RNF115: variants seen among roughly 807,000 people sequenced by gnomAD.
RNF115 encodes E3 ubiquitin-protein ligase RNF115.
RNF115 carries 31 observed loss-of-function variants against 39.2 expected under a neutral mutation model. That is an observed-to-expected ratio of 0.79 (90% CI 0.59 to 1.07). The LOEUF (loss-of-function observed/expected upper bound fraction) is 1.07, where lower values mean the gene tolerates loss of function less well. Among genes scored for constraint, RNF115 ranks in the 50% least tolerant of loss-of-function variants. The pLI is 0.00. For missense variants in RNF115, 384 were observed against 381.7 expected (o/e 1.01, Z -0.05); for synonymous variants, 124 against 131.0 (o/e 0.95, Z 0.37).
chr1:145,819,693 G>A (rs1650150428), intron 1 of RNF115, among the ~76,000 whole-genome samples: 1 of 152,110 alleles, frequency 6.6e-6, no homozygotes, highest in African/African-American at 2.4e-5. Flanking sequence ...AATGAACACA[G>A]ACACAAAAAT....
intron 3 of RNF115, among the ~76,000 whole-genome samples, chr1:145,777,128 G>A (rs1647921466): frequency 6.6e-6 from 1 of 152,116 alleles, no homozygotes; most frequent in African/African-American, 2.4e-5. Flanking sequence ...TCTCACTAAG[G>A]TGAATTATAA....
intron 1 of RNF115, among the ~76,000 whole-genome samples, chr1:145,811,908 A>AAAAAAAAAT (rs1553722706): frequency 1.8e-5 from 1 of 55,152 alleles, no homozygotes; most frequent in African/African-American, 5.7e-5. Flanking sequence ...AAAAAAAAAA[A>AAAAAAAAAT]ATATATATAT....
chr1:145,803,830 T>C (rs1164114868), intron 1 of RNF115, among the ~76,000 whole-genome samples: 2 of 152,224 alleles, frequency 1.3e-5, no homozygotes, highest in African/African-American at 4.8e-5. Context: ...AAGTGTTACT[T>C]GATACAAGCT....
rs1657725627 is a variant in RNF115, at chr1:145,742,709, T to C, written c.*4157A>G. The C allele has an allele frequency of 1.3e-5, 2 of 152,222 alleles. No homozygotes were observed. Among genetic ancestry groups the C allele is most frequent in the Admixed American group, 6.5e-5 (1 of 15,282 alleles). The allele number at this position is 152,222 out of a possible 1,614,324, so 9.4% of individuals were successfully genotyped here. A position where few individuals can be genotyped will look rare whatever the true frequency, so the allele number is the denominator to read the frequency against. On this transcript the variant is annotated 3_prime_UTR_variant, in exon 9 of 9. Coordinates refer to ENST00000582693, the MANE Select transcript of RNF115 (RefSeq NM_014455.4). ...ATAAATATCTCTATTTACACATATA[T>C]ACATATATAAAAATGTGCAATACAA...
intron 4 of RNF115, among the ~76,000 whole-genome samples, chr1:145,764,582 A>T (rs1207168384): frequency 1.4e-5 from 2 of 139,522 alleles, no homozygotes; most frequent in African/African-American, 5.5e-5. Context: ...CCGTCTGAGA[A>T]GTGAGGATCC....
chr1:145,745,231 G>A lies in RNF115; in HGVS notation c.*1635C>T, dbSNP rs1380401992. 6.6e-6 allele frequency: 1 copy of A among 152,190 alleles called. No homozygotes were observed. The highest frequency in any genetic ancestry group is 1.5e-5 in the Non-Finnish European group (1 of 68,104). The allele number at this position is 152,190 out of a possible 1,614,324, so 9.4% of individuals were successfully genotyped here. Reference sequence around the variant, plus strand: ...AGAGGTTGAGGCAGGCAGATCACTTGAGCCCAGGAGTTTGAGACCAGCCTG... The same window carrying A: ...AGAGGTTGAGGCAGGCAGATCACTTAAGCCCAGGAGTTTGAGACCAGCCTG... On this transcript the variant is annotated 3_prime_UTR_variant, in exon 9 of 9. Transcript: ENST00000582693.
chr1:145,769,118 T>A (rs1446943311), intron 4 of RNF115, among the ~76,000 whole-genome samples: 5 of 152,242 alleles, frequency 3.3e-5, no homozygotes, highest in Non-Finnish European at 7.3e-5. Flanking sequence ...TACTAAAATT[T>A]TTTAGTATAA....
intron 1 of RNF115, among the ~76,000 whole-genome samples, chr1:145,806,541 C>A (rs1413439104): frequency 6.6e-6 from 1 of 152,078 alleles, no homozygotes; most frequent in East Asian, 1.9e-4. Flanking sequence ...ATTTGATCCC[C>A]AATGTTGGAG....
At chr1:145,780,447 C>T (rs1425027129) in intron 3 of RNF115, among the ~76,000 whole-genome samples, 5 of 151,734 alleles carry the variant, frequency 3.3e-5, no homozygotes, top group South Asian at 2.1e-4. Context: ...GGTGAAACCC[C>T]GTCTCTACTA....
At chr1:145,806,826 G>C (rs1553721656) in intron 1 of RNF115, among the ~76,000 whole-genome samples, 1 of 152,162 alleles carries the variant, frequency 6.6e-6, no homozygotes, top group Non-Finnish European at 1.5e-5. Flanking sequence ...TTTTTGTTGA[G>C]ACAGAGTCTT....
chr1:145,790,835 T>G (rs1404131499), intron 1 of RNF115, among the ~76,000 whole-genome samples: 1 of 152,034 alleles, frequency 6.6e-6, no homozygotes, highest in Non-Finnish European at 1.5e-5. Context: ...ATAATAATGA[T>G]GGGTATAGAA....
At chr1:145,816,016 C>G (rs1246097784) in intron 1 of RNF115, among the ~76,000 whole-genome samples, 1 of 133,664 alleles carries the variant, frequency 7.5e-6, no homozygotes, top group East Asian at 2.1e-4. Flanking sequence ...CATGATTTCT[C>G]CTTATTTCTT....
chr1:145,821,301 T>C (rs1650223104), intron 1 of RNF115, among the ~76,000 whole-genome samples: 1 of 130,910 alleles, frequency 7.6e-6, no homozygotes, highest in African/African-American at 2.6e-5. Context: ...TGACAAATAA[T>C]ATATCACACC....
intron 7 of RNF115, among the ~76,000 whole-genome samples, chr1:145,748,534 T>A (rs996096263): frequency 6.6e-6 from 1 of 152,290 alleles, no homozygotes; most frequent in South Asian, 2.1e-4. Context: ...AGCAATCTTA[T>A]CAGTGCAGCG....
intron 1 of RNF115, among the ~76,000 whole-genome samples, chr1:145,807,343 C>T (rs1571778448): frequency 1.3e-5 from 2 of 152,186 alleles, no homozygotes; most frequent in East Asian, 3.9e-4. Flanking sequence ...TATTAAAAAC[C>T]TTAGGAACTC....
chr1:145,777,357 T>G (rs1647932286), intron 3 of RNF115, among the ~76,000 whole-genome samples: 1 of 152,192 alleles, frequency 6.6e-6, no homozygotes, highest in Non-Finnish European at 1.5e-5. Flanking sequence ...ACAAAATTTC[T>G]AAAGGATCCA....
At chr1:145,764,719 C>A (rs1009519573) in intron 4 of RNF115, among the ~76,000 whole-genome samples, 2 of 151,502 alleles carry the variant, frequency 1.3e-5, no homozygotes, top group African/African-American at 4.9e-5. Context: ...GGGGGGTCAG[C>A]CCCCGCCCGG....
intron 1 of RNF115, among the ~76,000 whole-genome samples, chr1:145,796,135 T>G (rs1299418789): frequency 6.6e-6 from 1 of 152,186 alleles, no homozygotes; most frequent in Non-Finnish European, 1.5e-5. Flanking sequence ...ATTTTCCTTA[T>G]AAAGACTTCA....
In RNF115 at chr1:145,743,168, A is replaced by G. The variant is rs66475980; in HGVS notation, c.*3698T>C. On this transcript the variant is annotated 3_prime_UTR_variant, in exon 9 of 9. Transcript: ENST00000582693. ...TACAGTATTCTGGGTGTGTCTGTGAAGGTGTTTTTGGAAGAGACTAACATT... is the reference window on the plus strand; with the variant it reads ...TACAGTATTCTGGGTGTGTCTGTGAGGGTGTTTTTGGAAGAGACTAACATT... 126,750 of 152,158 alleles carry G rather than the reference A, an allele frequency of 0.83. 53,020 individuals carry two copies. The highest frequency in any genetic ancestry group is 0.89 in the African/African-American group (37,026 of 41,500). 9.4% of individuals were successfully genotyped at this position (152,158 alleles called of 1,614,324 possible).
Sources: allele counts gnomAD v4.1 joint callset (sites outside exome capture counted in the v4.1 genomes callset), GRCh38; gene constraint gnomAD v4.1.1; transcripts MANE v1.5; gene names NCBI Gene and HGNC (gene_info 2026-07-23, HGNC 2026-07-21).